Variants in LINGO2 observed in about 807,000 individuals in gnomAD.
LINGO2 encodes leucine-rich repeat and immunoglobulin-like domain-containing nogo receptor-interacting protein 2.
In LINGO2, 14 loss-of-function variants were observed where a neutral mutation model predicts 30.6. The ratio of observed to expected loss-of-function variants is 0.46; its 90% CI spans 0.30 to 0.72. The LOEUF (loss-of-function observed/expected upper bound fraction) is 0.72, where lower values mean the gene tolerates loss of function less well. LINGO2 is among the 30% of genes least tolerant of loss of function. LINGO2 has a pLI of 0.07. For synonymous variants in LINGO2, 317 were observed against 288.5 expected, an observed-to-expected ratio of 1.10 and a Z score of -1.00; for missense variants, 729 against 751.7, an observed-to-expected ratio of 0.97 and a Z score of 0.35.
the LINGO2 span, among the ~76,000 whole-genome samples, chr9:29,146,158 C>T: frequency 6.6e-6 from 1 of 152,112 alleles, no homozygotes; most frequent in Admixed American, 6.6e-5. Context: ...CTGCAGCTTA[C>T]CATCCTGGCC....
At chr9:29,049,888 C>G in the LINGO2 span, among the ~76,000 whole-genome samples, 1 of 152,088 alleles carries the variant, frequency 6.6e-6, no homozygotes, top group African/African-American at 2.4e-5. Flanking sequence ...CTCAATAGCA[C>G]ATTAGGTTGG....
chr9:28,032,659 G>A (rs955397138), intron 4 of LINGO2, among the ~76,000 whole-genome samples: 33 of 152,122 alleles, frequency 2.2e-4, no homozygotes, highest in African/African-American at 6.3e-4. Context: ...CCTGCCCATC[G>A]TCCCAGAACT....
chr9:28,250,607 C>A (rs67751306), intron 4 of LINGO2, among the ~76,000 whole-genome samples: 16 of 152,130 alleles, frequency 1.1e-4, no homozygotes, highest in Admixed American at 2.0e-4. Context: ...GTCCCCATCC[C>A]CGCTCATGAT....
the LINGO2 span, among the ~76,000 whole-genome samples, chr9:28,993,672 T>A: frequency 2.0e-5 from 3 of 150,328 alleles, no homozygotes; most frequent in African/African-American, 4.9e-5. Flanking sequence ...TCCACCATGA[T>A]CAAGTGGGCA....
intron 4 of LINGO2, among the ~76,000 whole-genome samples, chr9:28,046,922 C>G (rs1398828090): frequency 6.6e-6 from 1 of 152,004 alleles, no homozygotes; most frequent in African/African-American, 2.4e-5. Context: ...GTTGTGGAAA[C>G]GCGTTCTGGG....
the LINGO2 span, among the ~76,000 whole-genome samples, chr9:29,039,818 A>G: frequency 6.6e-6 from 1 of 152,150 alleles, no homozygotes; most frequent in South Asian, 2.1e-4. Context: ...GCCAGTGAAC[A>G]AAGCGCTTGA....
chr9:29,127,277 T>C, the LINGO2 span, among the ~76,000 whole-genome samples: 69 of 152,298 alleles, frequency 4.5e-4, no homozygotes, highest in African/African-American at 1.6e-3. Flanking sequence ...TGTGCATTTT[T>C]TCCAATTCTT....
At chr9:28,997,154 C>T in the LINGO2 span, among the ~76,000 whole-genome samples, 1 of 152,124 alleles carries the variant, frequency 6.6e-6, no homozygotes, top group Non-Finnish European at 1.5e-5. Context: ...GAAGGACAGG[C>T]ATGGTGGCTC....
chr9:28,598,960 A>G (rs1031600611), intron 1 of LINGO2: 3 of 152,160 alleles, frequency 2.0e-5, no homozygotes, highest in Non-Finnish European at 2.9e-5. Flanking sequence ...CATGGATAGC[A>G]TGTCAAAAAG....
intron 4 of LINGO2, among the ~76,000 whole-genome samples, chr9:28,053,245 G>A (rs1824760475): frequency 6.6e-6 from 1 of 152,030 alleles, no homozygotes; most frequent in Admixed American, 6.6e-5. Flanking sequence ...GGAATTACAT[G>A]ACAAGGAGAG....
the LINGO2 span, among the ~76,000 whole-genome samples, chr9:28,782,598 T>A: frequency 6.6e-6 from 1 of 152,146 alleles, no homozygotes; most frequent in African/African-American, 2.4e-5. Flanking sequence ...CAAAGAATAA[T>A]AAGTAGAGAA....
chr9:28,764,252 T>C, the LINGO2 span, among the ~76,000 whole-genome samples: 1 of 151,090 alleles, frequency 6.6e-6, no homozygotes, highest in Non-Finnish European at 1.5e-5. Flanking sequence ...GATGAAAAAA[T>C]CCTCTCTAAA....
In LINGO2 at chr9:28,319,922, AGTCACCATGAATCTTAAAGTACTAG is replaced by A. The variant is rs1824978731; in HGVS notation, c.-245-24581_-245-24557del. Among the ~76,000 whole-genome samples, 2 of 152,166 alleles carry A rather than the reference AGTCACCATGAATCTTAAAGTACTAG, an allele frequency of 1.3e-5. 1 individual carries two copies. ...AGAAAAAGGTATTAATGCTTCACTG[AGTCACCATGAATCTTAAAGTACTAG>A]AATTTTAGGGCTTAAAGTACTAGAA... On this transcript the variant is annotated intron_variant, in intron 3 of 5. Coordinates refer to ENST00000379992, the Ensembl canonical transcript of LINGO2.
At chr9:28,592,204 A>G (rs1824946544) in intron 1 of LINGO2, among the ~76,000 whole-genome samples, 1 of 152,078 alleles carries the variant, frequency 6.6e-6, no homozygotes, top group Non-Finnish European at 1.5e-5. Flanking sequence ...TCCTTTCACA[A>G]AGAAGAAAAC....
chr9:28,728,905 C>T, the LINGO2 span, among the ~76,000 whole-genome samples: 1 of 152,060 alleles, frequency 6.6e-6, no homozygotes, highest in South Asian at 2.1e-4. Context: ...GGTGCTATAA[C>T]CCAGGGAGGA....
At chr9:28,591,827 T>A (rs920187417) in intron 1 of LINGO2, among the ~76,000 whole-genome samples, 2 of 152,024 alleles carry the variant, frequency 1.3e-5, no homozygotes, top group South Asian at 4.1e-4. Flanking sequence ...CCTCCAATAC[T>A]ACTGTCTTGG....
the LINGO2 span, among the ~76,000 whole-genome samples, chr9:28,851,518 C>A: frequency 4.6e-5 from 7 of 151,998 alleles, no homozygotes; most frequent in Non-Finnish European, 1.0e-4. Context: ...ATATTAATTT[C>A]TCTTTGCCAT....
chr9:28,136,859 T>C (rs947543779), intron 4 of LINGO2, among the ~76,000 whole-genome samples: 4 of 152,142 alleles, frequency 2.6e-5, no homozygotes, highest in Non-Finnish European at 4.4e-5. Context: ...GTAAAGCAGA[T>C]TGCTCTCCCC....
At chr9:28,930,345 C>A in the LINGO2 span, among the ~76,000 whole-genome samples, 1 of 152,134 alleles carries the variant, frequency 6.6e-6, no homozygotes, top group Non-Finnish European at 1.5e-5. This position sits in a 1 kb window ranked among gnomAD's most constrained non-coding sequence, Gnocchi z 4.2. Flanking sequence ...TCACATGGTA[C>A]CTGTTTCTTA....
Sources: allele counts gnomAD v4.1 joint callset (sites outside exome capture counted in the v4.1 genomes callset), GRCh38; gene constraint gnomAD v4.1.1; non-coding constraint Gnocchi (gnomAD v3.1); transcripts MANE v1.5; gene names NCBI Gene and HGNC (gene_info 2026-07-23, HGNC 2026-07-21).